The following LINGO2 variants were observed in gnomAD, a reference collection of about 807,000 sequenced individuals.
LINGO2 encodes leucine rich repeat and Ig domain containing 2.
LINGO2 carries 14 observed loss-of-function variants against 30.6 expected under a neutral mutation model. That is an observed-to-expected ratio of 0.46 (90% CI 0.30 to 0.72). The LOEUF (loss-of-function observed/expected upper bound fraction) is 0.72, where lower values mean the gene tolerates loss of function less well. LINGO2 is among the 30% of genes least tolerant of loss of function. LINGO2 has a pLI of 0.07. For missense variants in LINGO2, 729 were observed against 751.7 expected, an observed-to-expected ratio of 0.97 and a Z score of 0.35; for synonymous variants, 317 against 288.5, an observed-to-expected ratio of 1.10 and a Z score of -1.00.
At chr9:28,853,109 T>C in the LINGO2 span, among the ~76,000 whole-genome samples, 48 of 152,172 alleles carry the variant, frequency 3.2e-4, no homozygotes, top group South Asian at 8.3e-3. Flanking sequence ...CTTTCTTGTC[T>C]CTAAGAAGGC....
At chr9:28,784,436 T>A in the LINGO2 span, among the ~76,000 whole-genome samples, 1 of 152,226 alleles carries the variant, frequency 6.6e-6, no homozygotes, top group South Asian at 2.1e-4. Flanking sequence ...TGTGTGACCC[T>A]GTATTAGTAA....
chr9:28,481,509 T>C (rs1364162311), intron 1 of LINGO2, among the ~76,000 whole-genome samples: 1 of 152,094 alleles, frequency 6.6e-6, no homozygotes. Flanking sequence ...GTCTCTTTAT[T>C]TTCAAGTATT....
chr9:28,720,621 G>A, the LINGO2 span, among the ~76,000 whole-genome samples: 1 of 151,940 alleles, frequency 6.6e-6, no homozygotes, highest in South Asian at 2.1e-4. Flanking sequence ...AGGGAAAAAA[G>A]GAAGTAAGAA....
At chr9:28,953,326 A>C in the LINGO2 span, among the ~76,000 whole-genome samples, 2 of 152,270 alleles carry the variant, frequency 1.3e-5, no homozygotes, top group Middle Eastern at 6.8e-3. Context: ...TTTAGGAATC[A>C]GGGTCTATAT....
the LINGO2 span, among the ~76,000 whole-genome samples, chr9:28,760,449 C>CA: frequency 2.6e-5 from 4 of 151,934 alleles, no homozygotes; most frequent in Non-Finnish European, 5.9e-5. Context: ...AATTCAACAT[C>CA]AAAAAACTTT....
At chr9:28,002,130 A>C (rs770791204) in intron 5 of LINGO2, among the ~76,000 whole-genome samples, 5 of 152,230 alleles carry the variant, frequency 3.3e-5, no homozygotes, top group Admixed American at 6.5e-5. Context: ...GAGCACCAGC[A>C]ACATGACCAA....
chr9:27,940,076 T>C, the LINGO2 span: 1 of 152,208 alleles, frequency 6.6e-6, no homozygotes, highest in African/African-American at 2.4e-5. Context: ...TCTTAGTTTT[T>C]TTAGCAGACA....
rs570403294 is a variant in LINGO2 at position 28,335,078 on chromosome 9, A to C, written c.-246+37758T>G. On this transcript the variant is annotated intron_variant, in intron 3 of 5. Coordinates refer to ENST00000379992, the Ensembl canonical transcript of LINGO2. ...TGAGGTTCATATTCACTACAATTAT[A>C]ATTATTTTTAAATTCCTTCTCTTCC... Among the ~76,000 whole-genome samples the C allele has an allele frequency of 3.3e-5, 5 of 152,212 alleles. No homozygotes were observed. The South Asian group carries it at 8.3e-4, about 25-fold the overall frequency.
chr9:29,073,110 G>A, the LINGO2 span, among the ~76,000 whole-genome samples: 14 of 151,504 alleles, frequency 9.2e-5, no homozygotes, highest in Middle Eastern at 3.4e-3. Flanking sequence ...TTAAACAACC[G>A]TTGTATAAAT....
chr9:28,509,011 A>C (rs1820263916), intron 1 of LINGO2, among the ~76,000 whole-genome samples: 1 of 152,148 alleles, frequency 6.6e-6, no homozygotes, highest in Admixed American at 6.6e-5. Context: ...CTGCCATTTC[A>C]TATGGTAGGC....
intron 4 of LINGO2, among the ~76,000 whole-genome samples, chr9:28,219,087 C>T (rs967860721): frequency 6.6e-6 from 1 of 152,136 alleles, no homozygotes; most frequent in African/African-American, 2.4e-5. Context: ...GCCGGATTAG[C>T]TTTTGCAGAA....
chr9:29,080,055 C>G, the LINGO2 span, among the ~76,000 whole-genome samples: 1 of 152,164 alleles, frequency 6.6e-6, no homozygotes, highest in African/African-American at 2.4e-5. Flanking sequence ...ATTTTCATAG[C>G]TGGGAATCCA....
At chr9:28,233,106 G>A (rs1373350554) in intron 4 of LINGO2, among the ~76,000 whole-genome samples, 1 of 144,694 alleles carries the variant, frequency 6.9e-6, no homozygotes, top group East Asian at 2.0e-4. Flanking sequence ...ATATATGTGT[G>A]TGGGGGGGTC....
intron 2 of LINGO2, among the ~76,000 whole-genome samples, chr9:28,396,377 A>C (rs1048104302): frequency 3.3e-5 from 5 of 152,092 alleles, no homozygotes; most frequent in Admixed American, 6.6e-5. Flanking sequence ...TGATACTTGG[A>C]GTTGACAATT....
chr9:28,058,400 T>A (rs2123203), intron 4 of LINGO2, among the ~76,000 whole-genome samples: 60,597 of 152,088 alleles, frequency 0.4, 12,260 homozygotes, highest in East Asian at 0.43. Context: ...AGGTACCCAA[T>A]GTAGTTTTAC....
chr9:29,127,452 CTCTG>C, the LINGO2 span, among the ~76,000 whole-genome samples: 2 of 151,980 alleles, frequency 1.3e-5, no homozygotes, highest in African/African-American at 4.8e-5. Flanking sequence ...TCTTTTCTCT[CTCTG>C]TCTTTTTCTC....
At chr9:29,201,888 G>A in the LINGO2 span, among the ~76,000 whole-genome samples, 3 of 152,084 alleles carry the variant, frequency 2.0e-5, no homozygotes, top group East Asian at 3.9e-4. Flanking sequence ...GTCATGAGAC[G>A]AAGAGATTGT....
At chr9:28,097,096 A>G (rs539896353) in intron 4 of LINGO2, among the ~76,000 whole-genome samples, 1 of 152,160 alleles carries the variant, frequency 6.6e-6, no homozygotes, top group African/African-American at 2.4e-5. Flanking sequence ...GCTCACCATC[A>G]CTGGCCATCA....
chr9:29,091,369 G>A, the LINGO2 span, among the ~76,000 whole-genome samples: 3 of 151,836 alleles, frequency 2.0e-5, no homozygotes, highest in Middle Eastern at 3.4e-3. Flanking sequence ...GGAATAGGAA[G>A]AGGAAGAATT....
Sources: allele counts gnomAD v4.1 joint callset (sites outside exome capture counted in the v4.1 genomes callset), GRCh38; gene constraint gnomAD v4.1.1; transcripts MANE v1.5; gene names NCBI Gene and HGNC (gene_info 2026-07-23, HGNC 2026-07-21).